The following KCNH5 variants were observed in gnomAD, a reference collection of about 807,000 sequenced individuals.
KCNH5 encodes voltage-gated delayed rectifier potassium channel KCNH5.
KCNH5 carries 46 observed loss-of-function variants against 96.1 expected under a neutral mutation model. That is an observed-to-expected ratio of 0.48 (90% CI 0.38 to 0.61). The LOEUF (loss-of-function observed/expected upper bound fraction) is 0.61, where lower values mean the gene tolerates loss of function less well. Ranked by LOEUF, KCNH5 falls within the 20% of genes least tolerant of loss-of-function variation. The pLI, the probability that KCNH5 is intolerant of heterozygous loss-of-function variation, is 0.00. For synonymous variants in KCNH5, 439 were observed against 449.8 expected (o/e 0.98, Z 0.30); for missense variants, 907 against 1,225.8 (o/e 0.74, Z 3.88).
intron 7 of KCNH5, among the ~76,000 whole-genome samples, chr14:62,858,446 A>G (rs1433982101): frequency 2.0e-5 from 3 of 152,122 alleles, no homozygotes; most frequent in Non-Finnish European, 4.4e-5. Context: ...CCTTACCTCC[A>G]CTAGGGAGTA....
chr14:62,963,384 T>C (rs992744980), intron 6 of KCNH5, among the ~76,000 whole-genome samples: 3 of 151,996 alleles, frequency 2.0e-5, no homozygotes, highest in Non-Finnish European at 4.4e-5. Context: ...GATGTTGATA[T>C]TTAGGAAGAG....
intron 7 of KCNH5, among the ~76,000 whole-genome samples, chr14:62,856,194 G>A (rs1352106035): frequency 1.3e-5 from 2 of 152,112 alleles, no homozygotes; most frequent in African/African-American, 2.4e-5. Context: ...CTCATGATAA[G>A]AGATCAAATA....
intron 7 of KCNH5, among the ~76,000 whole-genome samples, chr14:62,877,740 G>T (rs1371702881): frequency 6.6e-6 from 1 of 151,878 alleles, no homozygotes; most frequent in Non-Finnish European, 1.5e-5. Context: ...CTTTTACACT[G>T]TTGGTGGGAC....
At chr14:62,970,917 T>C (rs1447034997) in intron 6 of KCNH5, among the ~76,000 whole-genome samples, 2 of 151,162 alleles carry the variant, frequency 1.3e-5, no homozygotes, top group African/African-American at 4.9e-5. Flanking sequence ...TACTCAAGAA[T>C]GAAAAACTAG....
intron 7 of KCNH5, among the ~76,000 whole-genome samples, chr14:62,917,277 C>T (rs1365074504): frequency 6.6e-6 from 1 of 151,698 alleles, no homozygotes; most frequent in Non-Finnish European, 1.5e-5. Context: ...CATTGCAAGA[C>T]CTGAAATCAT....
At chr14:62,920,573 C>T (rs550024711) in intron 7 of KCNH5, among the ~76,000 whole-genome samples, 9 of 152,098 alleles carry the variant, frequency 5.9e-5, no homozygotes, top group Admixed American at 1.3e-4. Flanking sequence ...CAAGAATCTT[C>T]GACCCGCCTG....
At chr14:62,756,422 C>T (rs1885625804) in intron 10 of KCNH5, among the ~76,000 whole-genome samples, 1 of 151,962 alleles carries the variant, frequency 6.6e-6, no homozygotes. Flanking sequence ...ATACCAATAA[C>T]ATTCTTCAAA....
intron 10 of KCNH5, among the ~76,000 whole-genome samples, chr14:62,714,380 G>T (rs1238755698): frequency 2.0e-5 from 3 of 152,080 alleles, no homozygotes; most frequent in Non-Finnish European, 2.9e-5. Context: ...AAACATTGAT[G>T]AATTTGATTT....
At chr14:63,000,954 A>G (rs959618168) in intron 4 of KCNH5, among the ~76,000 whole-genome samples, 2 of 152,180 alleles carry the variant, frequency 1.3e-5, no homozygotes, top group African/African-American at 4.8e-5. Context: ...GCACACCTAT[A>G]GTCCCAGCTA....
intron 7 of KCNH5, among the ~76,000 whole-genome samples, chr14:62,871,354 G>C (rs1888250716): frequency 6.6e-6 from 1 of 152,180 alleles, no homozygotes; most frequent in Non-Finnish European, 1.5e-5. Context: ...TTTAAGAAAA[G>C]CTTCCCAGAG....
At chr14:62,815,951 TATTG>T (rs1292154015) in intron 8 of KCNH5, among the ~76,000 whole-genome samples, 1 of 151,868 alleles carries the variant, frequency 6.6e-6, no homozygotes, top group Non-Finnish European at 1.5e-5. Flanking sequence ...GTAAAGAATA[TATTG>T]ATTGATTATA....
At chr14:62,748,610 A>G (rs1885428965) in intron 10 of KCNH5, among the ~76,000 whole-genome samples, 1 of 152,066 alleles carries the variant, frequency 6.6e-6, no homozygotes, top group South Asian at 2.1e-4. Context: ...CAGAGGGATG[A>G]AGATCCGTCT....
chr14:62,821,702 G>A (rs1334947464), intron 8 of KCNH5, among the ~76,000 whole-genome samples: 2 of 152,024 alleles, frequency 1.3e-5, no homozygotes, highest in African/African-American at 4.8e-5. Flanking sequence ...CATAAAAATA[G>A]CCATGAATAT....
Position 63,001,503 on chromosome 14 carries a change from C to T in KCNH5, c.305-44G>A, listed in dbSNP as rs762590850. On this transcript the variant is annotated intron_variant, in intron 3 of 10. Coordinates refer to ENST00000322893, the MANE Select transcript of KCNH5 (RefSeq NM_139318.5). ...GGGGAAAGGACATTAGAGTGTGGCA[C>T]GGCCACAGCAGTGGTTTGGTCTCCT... 77 of 1,560,684 alleles carry T rather than the reference C, an allele frequency of 4.9e-5. No homozygotes were observed. In the East Asian group the frequency reaches 9.4e-4, roughly 19 times the overall value.
chr14:62,900,761 G>T (rs1888908622), intron 7 of KCNH5, among the ~76,000 whole-genome samples: 1 of 151,824 alleles, frequency 6.6e-6, no homozygotes, highest in Non-Finnish European at 1.5e-5. Flanking sequence ...GATGAGGAGG[G>T]TCAACAAAAC....
intron 7 of KCNH5, among the ~76,000 whole-genome samples, chr14:62,888,911 G>T (rs762480688): frequency 5.9e-5 from 9 of 152,140 alleles, no homozygotes; most frequent in Non-Finnish European, 1.3e-4. Context: ...GTTGCTCTCC[G>T]ATAAAACCTA....
intron 7 of KCNH5, among the ~76,000 whole-genome samples, chr14:62,855,598 T>C (rs1426587450): frequency 6.6e-6 from 1 of 152,170 alleles, no homozygotes; most frequent in Admixed American, 6.6e-5. Flanking sequence ...TAACACAGAG[T>C]GGTTCTCAAT....
chr14:62,789,912 C>A (rs957872260), intron 9 of KCNH5, among the ~76,000 whole-genome samples: 5 of 151,566 alleles, frequency 3.3e-5, no homozygotes, highest in Non-Finnish European at 7.4e-5. Context: ...GTGATGTAAC[C>A]CTATTTATTT....
At chr14:62,820,950 A>G (rs1887102278) in intron 8 of KCNH5, among the ~76,000 whole-genome samples, 1 of 152,108 alleles carries the variant, frequency 6.6e-6, no homozygotes, top group Admixed American at 6.5e-5. Flanking sequence ...TAGGTCTTTG[A>G]GGAATCACCA....
Sources: gnomAD v4.1 joint callset for allele counts (sites outside exome capture counted in the v4.1 genomes callset) on GRCh38, gnomAD v4.1.1 for gene constraint, MANE v1.5 for transcripts, NCBI Gene and HGNC (gene_info 2026-07-23, HGNC 2026-07-21) for gene names.